The following WDR41 variants were observed in gnomAD, a reference collection of about 807,000 sequenced individuals.
WDR41 encodes the protein WD repeat-containing protein 41.
Under a neutral mutation model 69.3 loss-of-function variants are expected in WDR41, and 63 were observed. The observed-to-expected ratio is 0.91, with a 90% CI of 0.74 to 1.12. WDR41 has a LOEUF of 1.12. WDR41 is among the 50% of genes most tolerant of loss of function. The pLI is 0.00. For missense variants in WDR41, 543 were observed against 534.5 expected (o/e 1.02, Z -0.16); for synonymous variants, 185 against 192.1 (o/e 0.96, Z 0.31).
intron 1 of WDR41, among the ~76,000 whole-genome samples, chr5:77,501,442 G>A (rs1355385887): frequency 6.6e-6 from 1 of 152,230 alleles, no homozygotes; most frequent in Non-Finnish European, 1.5e-5. Flanking sequence ...CACCTCTGCG[G>A]GCAGGGCATA....
At chr5:77,520,985 C>A (rs1321203312) in intron 1 of WDR41, among the ~76,000 whole-genome samples, 1 of 152,180 alleles carries the variant, frequency 6.6e-6, no homozygotes, top group Non-Finnish European at 1.5e-5. Context: ...AGTTTCTCAT[C>A]CTCGGCCCCT....
At chr5:77,444,975 T>C (rs575152930) in intron 8 of WDR41, among the ~76,000 whole-genome samples, 1 of 152,014 alleles carries the variant, frequency 6.6e-6, no homozygotes, top group East Asian at 1.9e-4. Context: ...AGAAAAACTC[T>C]CCAAAAAAAT....
At chr5:77,569,227 T>C (rs1743688676) in intron 1 of WDR41, among the ~76,000 whole-genome samples, 1 of 152,150 alleles carries the variant, frequency 6.6e-6, no homozygotes, top group Non-Finnish European at 1.5e-5. Flanking sequence ...ACTTCATCTT[T>C]CAAGGAGCCA....
At chr5:77,453,758 G>T (rs879357487) in intron 6 of WDR41, 59 bp downstream of exon 6, 20 of 1,365,612 alleles carry the variant, frequency 1.5e-5, no homozygotes, top group Admixed American at 3.4e-5. Flanking sequence ...TCTCTCTGAA[G>T]ATCTGCTGTG....
chr5:77,527,985 T>A (rs1042259454), intron 1 of WDR41, among the ~76,000 whole-genome samples: 1 of 151,546 alleles, frequency 6.6e-6, no homozygotes, highest in Non-Finnish European at 1.5e-5. Flanking sequence ...TAAAAATTAA[T>A]GAGGTAAGTA....
At chr5:77,499,177 C>T (rs1235929565) in intron 1 of WDR41, 1 of 152,198 alleles carries the variant, frequency 6.6e-6, no homozygotes, top group African/African-American at 2.4e-5. Context: ...TCTTTAAGGA[C>T]TCTGAAAAAG....
chr5:77,467,681 T>C (rs1045356921), intron 2 of WDR41, among the ~76,000 whole-genome samples: 1 of 152,082 alleles, frequency 6.6e-6, no homozygotes, highest in Non-Finnish European at 1.5e-5. Flanking sequence ...TGGCAGGTTT[T>C]AAGTGCTAAA....
At chr5:77,450,804 C>A (rs1214626273) in intron 7 of WDR41, among the ~76,000 whole-genome samples, 2 of 152,252 alleles carry the variant, frequency 1.3e-5, no homozygotes, top group Middle Eastern at 6.8e-3. Context: ...AGTATCTTTT[C>A]TTTCTCACAT....
rs1378227002 is a variant in WDR41 at position 77,453,888 on chromosome 5, C to T, written c.452G>A (p.Gly151Asp). The T allele has an allele frequency of 6.2e-7, 1 of 1,613,924 alleles. No individual in the cohort carries two copies. Among genetic ancestry groups the T allele is most frequent in the East Asian group, 2.2e-5 (1 of 44,874 alleles). ...VLQRLDVWLS[G>D]GNDLCVWNRK... ...GTTCCACACACACAGGTCATTCCCA[C>T]CAGAAAGCCAAACATCTAGTCTCTG... Residue 151 changes from glycine to aspartate, a missense_variant, in exon 6 of 13, where the codon GGT becomes GAT. Gly to Asp is a moderately conservative substitution (Grantham distance 94). Coordinates refer to ENST00000296679, the MANE Select transcript of WDR41 (RefSeq NM_018268.4).
At chr5:77,494,849 C>T (rs1270831764), upstream of WDR41, among the ~76,000 whole-genome samples, 1 of 152,154 alleles carries the variant, frequency 6.6e-6, no homozygotes, top group African/African-American at 2.4e-5. Flanking sequence ...TCAGCATAAA[C>T]ATTCATCTCA....
At chr5:77,560,480 A>T (rs1743502213) in intron 1 of WDR41, among the ~76,000 whole-genome samples, 1 of 152,204 alleles carries the variant, frequency 6.6e-6, no homozygotes, top group East Asian at 1.9e-4. Flanking sequence ...TAATACATTG[A>T]TTAAAATTAA....
intron 1 of WDR41, among the ~76,000 whole-genome samples, chr5:77,566,441 C>T (rs1247371792): frequency 6.6e-6 from 1 of 152,056 alleles, no homozygotes; most frequent in African/African-American, 2.4e-5. Context: ...GCGATGAGTA[C>T]CTAAACCATT....
intron 1 of WDR41, among the ~76,000 whole-genome samples, chr5:77,610,197 T>A (rs1366661003): frequency 2.0e-5 from 3 of 152,054 alleles, no homozygotes; most frequent in African/African-American, 7.2e-5. Context: ...TACCTGAAAG[T>A]TATGGGGAGA....
At chr5:77,563,518 A>G (rs1280390642) in intron 1 of WDR41, among the ~76,000 whole-genome samples, 2 of 152,226 alleles carry the variant, frequency 1.3e-5, no homozygotes, top group African/African-American at 4.8e-5. Context: ...AAGTCATTCC[A>G]TGGGAAGTTG....
chr5:77,457,540 A>G (rs1799882516), intron 5 of WDR41, among the ~76,000 whole-genome samples: 1 of 152,148 alleles, frequency 6.6e-6, no homozygotes, highest in Admixed American at 6.5e-5. Context: ...AGAGTTTTCT[A>G]GAATGATCAC....
intron 1 of WDR41, among the ~76,000 whole-genome samples, chr5:77,519,374 G>A (rs1379998070): frequency 6.6e-6 from 1 of 151,692 alleles, no homozygotes; most frequent in African/African-American, 2.4e-5. Context: ...CGTTATTTTT[G>A]TATTCACTGT....
intron 2 of WDR41, among the ~76,000 whole-genome samples, chr5:77,465,528 G>A (rs921548833): frequency 6.6e-6 from 1 of 151,916 alleles, no homozygotes; most frequent in African/African-American, 2.4e-5. Flanking sequence ...TGTCATACAG[G>A]ATTATTCATC....
Position 77,615,528 on chromosome 5 carries a change from G to A in WDR41, c.42+4951C>T, listed in dbSNP as rs1314557938. Among the ~76,000 whole-genome samples, 4 of 152,032 alleles carry A rather than the reference G, an allele frequency of 2.6e-5. No individual in the cohort carries two copies. In the East Asian group the frequency reaches 7.7e-4, roughly 29 times the overall value. ...TTTTCTACATTTGAATATGTTTGAA[G>A]TATTTTATAATTTAAAAAATTGATG... On this transcript the variant is annotated intron_variant, in intron 1 of 5. Coordinates refer to the WDR41 transcript ENST00000509971.
chr5:77,501,614 A>T (rs1271339938), intron 1 of WDR41, among the ~76,000 whole-genome samples: 1 of 152,056 alleles, frequency 6.6e-6, no homozygotes, highest in Non-Finnish European at 1.5e-5. Context: ...ACTGGGAGAC[A>T]CCTCCCAGTA....
Sources: allele counts gnomAD v4.1 joint callset (sites outside exome capture counted in the v4.1 genomes callset), GRCh38; gene constraint gnomAD v4.1.1; transcripts MANE v1.5; gene names NCBI Gene and HGNC (gene_info 2026-07-23, HGNC 2026-07-21).